Variants in ATP6V0D2 observed in about 807,000 individuals in gnomAD.
The protein encoded by ATP6V0D2 is V-type proton ATPase subunit d 2.
ATP6V0D2 carries 40 observed loss-of-function variants against 40.0 expected under a neutral mutation model. The observed-to-expected ratio is 1.00, with a 90% CI of 0.78 to 1.30. The LOEUF is 1.30. Ranked by LOEUF, ATP6V0D2 falls within the 50% of genes most tolerant of loss-of-function variation. ATP6V0D2 has a pLI of 0.00. For synonymous variants in ATP6V0D2, 179 were observed against 156.3 expected, an observed-to-expected ratio of 1.15 and a Z score of -1.08; for missense variants, 470 against 423.1, an observed-to-expected ratio of 1.11 and a Z score of -0.97.
At chr8:86,120,168 T>C (rs1488465969) in intron 2 of ATP6V0D2, among the ~76,000 whole-genome samples, 1 of 152,040 alleles carries the variant, frequency 6.6e-6, no homozygotes, top group African/African-American at 2.4e-5. Context: ...GAGGCCAAGG[T>C]GGAAGGATCA....
At chr8:86,139,317 C>T in intron 2 of ATP6V0D2, 140 bp from the exon 3 acceptor site, 1 of 600,780 alleles carries the variant, frequency 1.7e-6, no homozygotes, top group Non-Finnish European at 2.7e-6. Flanking sequence ...CTCCTAAACC[C>T]CAGTGTTTAA....
At chr8:86,149,052 G>GAAAAAAAAAAAAAAAAAAAAA (rs1166858589) in intron 5 of ATP6V0D2, among the ~76,000 whole-genome samples, 2 of 69,012 alleles carry the variant, frequency 2.9e-5, no homozygotes, top group South Asian at 6.3e-4. Context: ...ATCTCCAAAG[G>GAAAAAAAAAAAAAAAAAAAAA]AAGAAAAAAA....
At chr8:86,131,161 T>G (rs1411392781) in intron 2 of ATP6V0D2, among the ~76,000 whole-genome samples, 1 of 152,014 alleles carries the variant, frequency 6.6e-6, no homozygotes, top group Non-Finnish European at 1.5e-5. Context: ...TATATGCATT[T>G]TTCTAATATA....
At chr8:86,148,317 A>G (rs532539495) in intron 5 of ATP6V0D2, among the ~76,000 whole-genome samples, 14 of 152,294 alleles carry the variant, frequency 9.2e-5, no homozygotes, top group African/African-American at 2.6e-4. Flanking sequence ...TTGCTTCCAC[A>G]TAAAGCCACT....
At chr8:86,141,342 AG>A (rs1413679677) in intron 3 of ATP6V0D2, 107 bp from the exon 4 acceptor site, 1 of 692,270 alleles carries the variant, frequency 1.4e-6, no homozygotes, top group Non-Finnish European at 2.5e-6. Context: ...GCAACTCTGC[AG>A]TGTTCTTGTC....
intron 2 of ATP6V0D2, 44 bp from the exon 3 acceptor site, chr8:86,139,413 C>G: frequency 2.6e-6 from 4 of 1,529,708 alleles, no homozygotes; most frequent in Non-Finnish European, 3.5e-6. Flanking sequence ...GCTTCTTATC[C>G]TTTTGCAGCT....
rs531929095 is a variant in ATP6V0D2, at chr8:86,152,602, AAT to A, written c.892-212_892-211del. 1.7e-3 allele frequency among the ~76,000 whole-genome samples: 263 copies of A among 152,302 alleles called. 1 individual carries two copies. The highest frequency in any genetic ancestry group is 6.0e-3 in the African/African-American group (248 of 41,574). On this transcript the variant is annotated intron_variant, in intron 7 of 7. Transcript: ENST00000285393. ...TCTTGTGATTCTACAAACTTACTTTAATAACTTCCGTTGTCTACATTTATCTG... is the reference window on the plus strand; with the variant it reads ...TCTTGTGATTCTACAAACTTACTTTAAACTTCCGTTGTCTACATTTATCTG...
At chr8:86,150,754 A>AC (rs1325865116) in intron 6 of ATP6V0D2, among the ~76,000 whole-genome samples, 1 of 152,120 alleles carries the variant, frequency 6.6e-6, no homozygotes, top group African/African-American at 2.4e-5. Context: ...AGTGGCCAGA[A>AC]ATCAGGAGAG....
chr8:86,139,318 C>A, intron 2 of ATP6V0D2, 139 bp from the exon 3 acceptor site: 2 of 601,166 alleles, frequency 3.3e-6, no homozygotes, highest in Non-Finnish European at 5.4e-6. Context: ...TCCTAAACCC[C>A]AGTGTTTAAA....
intron 2 of ATP6V0D2, among the ~76,000 whole-genome samples, chr8:86,118,023 TTTC>T (rs869109717): frequency 2.5e-4 from 32 of 126,364 alleles, no homozygotes; most frequent in East Asian, 9.8e-4. Context: ...TCTTTCTTTC[TTTC>T]TTTTTTTTTC....
Position 86,141,473 on chromosome 8 carries a change from T to G in ATP6V0D2, c.505T>G (p.Ser169Ala), listed in dbSNP as rs766582842. 4 of 1,611,142 alleles carry G rather than the reference T, an allele frequency of 2.5e-6. No homozygotes were observed. In the South Asian group the frequency reaches 4.4e-5, roughly 18 times the overall value. ...PLAPFFQDCM[S>A]ENALDELNIE... ...AGCTCCATTCTTCCAAGACTGCATG[T>G]CTGAAAATGCTCTAGATGAACTGAA... The change falls in exon 4 of 8, where the codon TCT (serine) becomes GCT (alanine). Residue 169 changes from serine to alanine, a missense_variant. Transcript: ENST00000285393.
chr8:86,127,472 T>C (rs1477300311), intron 2 of ATP6V0D2, among the ~76,000 whole-genome samples: 2 of 151,360 alleles, frequency 1.3e-5, no homozygotes, highest in Non-Finnish European at 2.9e-5. Context: ...TTTTTTTTAA[T>C]TGAGACAGGG....
At chr8:86,104,463 C>A (rs1268442334) in intron 1 of ATP6V0D2, among the ~76,000 whole-genome samples, 2 of 152,078 alleles carry the variant, frequency 1.3e-5, no homozygotes, top group Non-Finnish European at 2.9e-5. Flanking sequence ...TACATTAAGT[C>A]AGAAAAGCAA....
chr8:86,100,692 C>T (rs980293843), intron 1 of ATP6V0D2, among the ~76,000 whole-genome samples: 7 of 152,092 alleles, frequency 4.6e-5, no homozygotes, highest in Admixed American at 2.6e-4. Context: ...TGGAGAACGT[C>T]GGTCACGTAT....
intron 2 of ATP6V0D2, among the ~76,000 whole-genome samples, chr8:86,135,196 A>C (rs1353572118): frequency 1.3e-5 from 2 of 152,240 alleles, no homozygotes; most frequent in Non-Finnish European, 2.9e-5. Flanking sequence ...TGAAGTACTA[A>C]AATTTTTATT....
intron 1 of ATP6V0D2, among the ~76,000 whole-genome samples, chr8:86,111,244 T>C (rs1818525524): frequency 1.3e-5 from 2 of 150,762 alleles, no homozygotes; most frequent in South Asian, 4.4e-4. Context: ...TAGAGTACAG[T>C]GGCGAGATCA....
rs997379424 is a variant in ATP6V0D2, at chr8:86,116,035, C to A, written c.302+2155C>A. On this transcript the variant is annotated intron_variant, in intron 2 of 7. Coordinates refer to ENST00000285393, the MANE Select transcript of ATP6V0D2 (RefSeq NM_152565.1). ...GTTTGGAATTTCACATCGCATCATA[C>A]AATCTGAGGATCAATTTTACTTAAT... 7.2e-5 allele frequency among the ~76,000 whole-genome samples: 11 copies of A among 152,218 alleles called. No homozygotes were observed. In the South Asian group the frequency reaches 2.3e-3, roughly 32 times the overall value.
intron 5 of ATP6V0D2, among the ~76,000 whole-genome samples, chr8:86,147,516 C>T (rs1216162395): frequency 6.6e-6 from 1 of 152,130 alleles, no homozygotes; most frequent in Non-Finnish European, 1.5e-5. Flanking sequence ...ATTCAGTCTC[C>T]TCTAATCAAA....
chr8:86,131,997 T>A (rs1818831646), intron 2 of ATP6V0D2, among the ~76,000 whole-genome samples: 1 of 152,142 alleles, frequency 6.6e-6, no homozygotes, highest in Non-Finnish European at 1.5e-5. Flanking sequence ...TTCCAGATCC[T>A]GAGTGCCTAT....
Sources: gnomAD v4.1 joint callset for allele counts (sites outside exome capture counted in the v4.1 genomes callset) on GRCh38, gnomAD v4.1.1 for gene constraint, MANE v1.5 for transcripts, NCBI Gene and HGNC (gene_info 2026-07-23, HGNC 2026-07-21) for gene names.